The following ZFAT variants were observed in gnomAD, a reference collection of about 807,000 sequenced individuals.
ZFAT encodes zinc finger protein ZFAT.
ZFAT carries 64 observed loss-of-function variants against 117.7 expected under a neutral mutation model. That is an observed-to-expected ratio of 0.54 (90% CI 0.44 to 0.67). The LOEUF (loss-of-function observed/expected upper bound fraction) is 0.67, where lower values mean the gene tolerates loss of function less well. ZFAT is among the 30% of genes least tolerant of loss of function. The probability of loss-of-function intolerance (pLI) is 0.00; values close to 1 mark genes in which losing one functional copy is unlikely to be tolerated. For missense variants in ZFAT, 1,433 were observed against 1,584.5 expected (o/e 0.90, Z 1.62); for synonymous variants, 679 against 615.0 (o/e 1.10, Z -1.54).
intron 1 of ZFAT, among the ~76,000 whole-genome samples, chr8:134,701,399 A>G (rs572576247): frequency 3.3e-5 from 5 of 152,292 alleles, no homozygotes; most frequent in African/African-American, 1.2e-4. Flanking sequence ...TATACATTAC[A>G]TTTTGCTTAG....
At chr8:134,808,436 T>C in the ZFAT span, among the ~76,000 whole-genome samples, 10 of 152,224 alleles carry the variant, frequency 6.6e-5, no homozygotes, top group Non-Finnish European at 1.3e-4. Context: ...GGCAAAACAA[T>C]TTTAATTCAG....
At chr8:134,799,618 C>T in the ZFAT span, among the ~76,000 whole-genome samples, 1 of 152,046 alleles carries the variant, frequency 6.6e-6, no homozygotes, top group Non-Finnish European at 1.5e-5. Context: ...TCAATTTAGT[C>T]GACTGAGGAA....
chr8:134,796,631 A>G, the ZFAT span: 1 of 152,206 alleles, frequency 6.6e-6, no homozygotes, highest in Admixed American at 6.5e-5. Flanking sequence ...CAGACTTGTC[A>G]TGATGATGGG....
rs374132133 is a variant in ZFAT at position 134,568,603 on chromosome 8, A to G, written c.2888-3182T>C. ...TAAAAAAGAGTCCTAAAATGAATAA[A>G]TGGAACTGCCTCATTTGAAATCAAG... is the stretch of plus-strand genomic sequence containing the variant. On this transcript the variant is annotated intron_variant, in intron 10 of 15. Coordinates refer to ENST00000377838, the MANE Select transcript of ZFAT (RefSeq NM_020863.4). 2.2e-3 allele frequency among the ~76,000 whole-genome samples: 342 copies of G among 152,352 alleles called. 7 individuals carry two copies. Among genetic ancestry groups the G allele is most frequent in the South Asian group, 0.018 (86 of 4,824 alleles).
chr8:134,731,092 C>T, the ZFAT span, among the ~76,000 whole-genome samples: 3 of 152,248 alleles, frequency 2.0e-5, no homozygotes, highest in South Asian at 2.1e-4. Flanking sequence ...TAAACACAGA[C>T]AATAGCAAGT....
chr8:134,706,876 G>A (rs1352965262), intron 1 of ZFAT, among the ~76,000 whole-genome samples: 5 of 146,694 alleles, frequency 3.4e-5, no homozygotes, highest in South Asian at 2.1e-4. Context: ...TATATAGTAC[G>A]CCAAAAAAAA....
chr8:134,769,568 C>G, the ZFAT span, among the ~76,000 whole-genome samples: 1 of 152,152 alleles, frequency 6.6e-6, no homozygotes, highest in Non-Finnish European at 1.5e-5. Flanking sequence ...GCAGCTTTTC[C>G]AGGTGCATGG....
chr8:134,696,822 G>A (rs1010694674), intron 1 of ZFAT, among the ~76,000 whole-genome samples: 13 of 152,366 alleles, frequency 8.5e-5, no homozygotes, highest in East Asian at 1.9e-4. Flanking sequence ...GGCTGCAGGC[G>A]AGAAGCGCCC....
chr8:134,786,989 C>A, the ZFAT span, among the ~76,000 whole-genome samples: 4 of 151,966 alleles, frequency 2.6e-5, no homozygotes, highest in Middle Eastern at 3.2e-3. Flanking sequence ...ACTGGGACTA[C>A]AAGTGCATGC....
intron 7 of ZFAT, among the ~76,000 whole-genome samples, chr8:134,590,733 A>C (rs28716235): frequency 8.0e-3 from 407 of 50,658 alleles, no homozygotes; most frequent in African/African-American, 0.021. Flanking sequence ...ACCACCACCA[A>C]CACCACCACC....
At chr8:134,747,229 C>T in the ZFAT span, among the ~76,000 whole-genome samples, 1 of 152,108 alleles carries the variant, frequency 6.6e-6, no homozygotes, top group African/African-American at 2.4e-5. Flanking sequence ...GCTAGAACCA[C>T]AGGCACATGC....
the ZFAT span, among the ~76,000 whole-genome samples, chr8:134,725,148 G>A: frequency 4.6e-5 from 7 of 152,208 alleles, no homozygotes; most frequent in South Asian, 4.1e-4. Flanking sequence ...CTTCCTGCCC[G>A]TTTCCTGGGC....
intron 13 of ZFAT, among the ~76,000 whole-genome samples, chr8:134,517,784 T>C (rs757882078): frequency 1.3e-5 from 2 of 152,212 alleles, no homozygotes; most frequent in Non-Finnish European, 2.9e-5. Flanking sequence ...ACAGATGAGG[T>C]ATTTGACCAC....
chr8:134,627,967 T>C (rs560074728), intron 3 of ZFAT, among the ~76,000 whole-genome samples: 2 of 152,048 alleles, frequency 1.3e-5, no homozygotes, highest in East Asian at 1.9e-4. Flanking sequence ...TGGAGACAAA[T>C]ACACACACCA....
At chr8:134,771,105 C>A in the ZFAT span, among the ~76,000 whole-genome samples, 2 of 152,202 alleles carry the variant, frequency 1.3e-5, no homozygotes, top group African/African-American at 2.4e-5. Context: ...ATGTCTGTCA[C>A]CCACACCTAT....
the ZFAT span, among the ~76,000 whole-genome samples, chr8:134,791,506 G>C: frequency 3.9e-4 from 59 of 152,278 alleles, no homozygotes; most frequent in South Asian, 0.012. Context: ...TGGCAGCTGG[G>C]ATTTCCTTTT....
chr8:134,667,806 C>T (rs1014220060), intron 1 of ZFAT, among the ~76,000 whole-genome samples: 14 of 151,976 alleles, frequency 9.2e-5, no homozygotes, highest in African/African-American at 2.2e-4. Flanking sequence ...CGAAGCAGGG[C>T]GAGGCATCAC....
At chr8:134,712,773 G>T in intron 1 of ZFAT, 72 bp downstream of exon 1, 1 of 1,414,488 alleles carries the variant, frequency 7.1e-7, no homozygotes, top group Non-Finnish European at 9.4e-7. Flanking sequence ...CTCGACGCTC[G>T]AAACGGCTTT....
chr8:134,609,863 A>G (rs1828187269), intron 4 of ZFAT, among the ~76,000 whole-genome samples: 1 of 152,210 alleles, frequency 6.6e-6, no homozygotes, highest in African/African-American at 2.4e-5. Flanking sequence ...CTAAAAATAC[A>G]AAAAAAGATC....
Sources: gnomAD v4.1 joint callset for allele counts (sites outside exome capture counted in the v4.1 genomes callset) on GRCh38, gnomAD v4.1.1 for gene constraint, MANE v1.5 for transcripts, NCBI Gene and HGNC (gene_info 2026-07-23, HGNC 2026-07-21) for gene names.